The following MGAT4B variants were observed in gnomAD, a reference collection of about 807,000 sequenced individuals.
MGAT4B encodes the protein N-acetylglucosaminyltransferase IVb.
In MGAT4B, 38 loss-of-function variants were observed where a neutral mutation model predicts 73.9. That is an observed-to-expected ratio of 0.51 (90% CI 0.40 to 0.67). The LOEUF is 0.67. Among genes scored for constraint, MGAT4B ranks in the 30% least tolerant of loss-of-function variants. MGAT4B has a pLI of 0.00. For missense variants in MGAT4B, 686 were observed against 735.2 expected (o/e 0.93, Z 0.77); for synonymous variants, 373 against 313.5 (o/e 1.19, Z -2.01).
At position 179,806,564 on chromosome 5, in the gene MGAT4B, G is replaced by T; in HGVS notation, c.20C>A (p.Thr7Asn). 2 of 1,302,044 alleles carry T rather than the reference G, an allele frequency of 1.5e-6. No individual in the cohort carries two copies. Among genetic ancestry groups the T allele is most frequent in the Non-Finnish European group, 2.0e-6 (2 of 998,092 alleles). The allele number at this position is 1,302,044 out of a possible 1,614,324, so 80.7% of individuals were successfully genotyped here. The change falls in exon 1 of 15, where the codon ACC (threonine) becomes AAC (asparagine). Residue 7 changes from threonine (T) to asparagine (N), a missense_variant. Around this residue, in one of 2 missense-constraint regions of MGAT4B, gnomAD observed 237 missense variants for 198.5 expected, o/e 1.19. Transcript: ENST00000292591. This position sits in a 1 kb window ranked among gnomAD's most constrained non-coding sequence, Gnocchi z 4.6. Reference sequence around the variant, plus strand: ...GCAGAAGAGCAGCAGCGTCAGGAAGGTGCCATTGCGGAGCCTCATCTCCTC... The same window carrying T: ...GCAGAAGAGCAGCAGCGTCAGGAAGTTGCCATTGCGGAGCCTCATCTCCTC... MRLRNG[T>N]FLTLLLFCLC...
In MGAT4B at chr5:179,800,667, T is replaced by C. The variant is rs1048569127; in HGVS notation, c.606-70A>G. The C allele has an allele frequency of 3.9e-5, 48 of 1,226,848 alleles. No homozygotes were observed. In the South Asian group the frequency reaches 6.0e-4, roughly 15 times the overall value. 76.0% of individuals were successfully genotyped at this position (1,226,848 alleles called of 1,614,324 possible). On this transcript the variant is annotated intron_variant, in intron 5 of 14. Coordinates refer to ENST00000292591, the MANE Select transcript of MGAT4B (RefSeq NM_014275.5). ...GAGAGGGGCCGAGCCCACCAGACTG[T>C]GGCCCTTTCTTGAGGCTCACCCAGT...
At position 179,798,074 on chromosome 5, in the gene MGAT4B, A is replaced by T. The variant is rs1756727478; in HGVS notation, c.1624-6T>A. ...TCGGCCTTTTTCAGGAAGATCTGGA[A>T]GAGCCGGACCCAGGGTCAGCAGGGC... On this transcript the variant is annotated splice_polypyrimidine_tract_variant and splice_region_variant and intron_variant, in intron 14 of 14. Coordinates refer to ENST00000292591, the MANE Select transcript of MGAT4B (RefSeq NM_014275.5). 2 of 1,609,138 alleles carry T rather than the reference A, an allele frequency of 1.2e-6. No individual in the cohort carries two copies. Among genetic ancestry groups the T allele is most frequent in the African/African-American group, 1.3e-5 (1 of 74,866 alleles).
In MGAT4B at chr5:179,797,818, C is replaced by G; in HGVS notation, c.*227G>C. 1 of 560,048 alleles carries G rather than the reference C, an allele frequency of 1.8e-6. No individual in the cohort carries two copies. Among genetic ancestry groups the G allele is most frequent in the Admixed American group, 3.6e-5 (1 of 27,916 alleles). The allele number at this position is 560,048 out of a possible 1,614,324, so 34.7% of individuals were successfully genotyped here. A position where few individuals can be genotyped will look rare whatever the true frequency, so the allele number is the denominator to read the frequency against. On this transcript the variant is annotated 3_prime_UTR_variant, in exon 15 of 15. Coordinates refer to ENST00000292591, the MANE Select transcript of MGAT4B (RefSeq NM_014275.5). ...GCCGGGTGCGAACGGTTCCGGGCCT[C>G]AGGCACAGTGTGGGGGCCGCCTGCC...
intron 1 of MGAT4B, among the ~76,000 whole-genome samples, chr5:179,805,614 C>A (rs959818001): frequency 3.9e-5 from 6 of 152,244 alleles, no homozygotes; most frequent in African/African-American, 1.4e-4. Flanking sequence ...CCCTCGCCCT[C>A]CTCCGCAGCC....
In MGAT4B at chr5:179,806,270, T is replaced by C. The variant is rs1757149040; in HGVS notation, c.97+217A>G. 1.2e-5 allele frequency: 2 copies of C among 169,668 alleles called. No individual in the cohort carries two copies. The highest frequency in any genetic ancestry group is 2.4e-5 in the Non-Finnish European group (2 of 83,898). 10.5% of individuals were successfully genotyped at this position (169,668 alleles called of 1,614,324 possible). A position where few individuals can be genotyped will look rare whatever the true frequency, so the allele number is the denominator to read the frequency against. The stretch of plus-strand genomic sequence containing the variant: ...GGACAGCTGCGCCCGCGGAGTCCGG[T>C]CCGGAGCACCCACGGGCGCGGCCCG... On this transcript the variant is annotated intron_variant, in intron 1 of 14. Transcript: ENST00000292591. This position sits in a 1 kb window ranked among gnomAD's most constrained non-coding sequence, Gnocchi z 4.6.
chr5:179,802,612 G>A (rs1756992836), intron 1 of MGAT4B: 3 of 989,570 alleles, frequency 3.0e-6, no homozygotes, highest in Non-Finnish European at 3.6e-6. Flanking sequence ...CTGTGTCTCT[G>A]GAGACCTGTG....
Position 179,801,524 on chromosome 5 carries a change from C to A in MGAT4B, c.424+30G>T. 6.2e-7 allele frequency: 1 copy of A among 1,603,760 alleles called. No individual in the cohort carries two copies. The highest frequency in any genetic ancestry group is 8.5e-7 in the Non-Finnish European group (1 of 1,173,756). ...GGTGCGGGGGCCACCCGTCCCCCCA[C>A]CCCGTGCTCCTCCCTGTCTGCGCCC... On this transcript the variant is annotated intron_variant, in intron 3 of 14. Transcript: ENST00000292591. This position sits in a 1 kb window ranked among gnomAD's most constrained non-coding sequence, Gnocchi z 4.8.
Position 179,799,125 on chromosome 5 carries a change from C to T in MGAT4B, c.1150-4G>A, listed in dbSNP as rs756160967. 3.1e-6 allele frequency: 5 copies of T among 1,613,990 alleles called. No homozygotes were observed. In the South Asian group the frequency reaches 4.4e-5, roughly 14 times the overall value. On this transcript the variant is annotated splice_region_variant and splice_polypyrimidine_tract_variant and intron_variant, in intron 10 of 14. Coordinates refer to ENST00000292591, the MANE Select transcript of MGAT4B (RefSeq NM_014275.5). ...CCTGCTTTCCAAAGTCTTTGTCCTG[C>T]AGCGGAGGAGGGACAGCAGTGATGG... is the stretch of plus-strand genomic sequence containing the variant.
chr5:179,799,768 G>A lies in MGAT4B; in HGVS notation c.911-132C>T, dbSNP rs1756825182. ...GTGGGCATAACGGGGCAGGGAGGCA[G>A]ACAGGTGATGAGGGCAGACATGTCT... On this transcript the variant is annotated intron_variant, in intron 8 of 14. Coordinates refer to ENST00000292591, the MANE Select transcript of MGAT4B (RefSeq NM_014275.5). The A allele has an allele frequency of 3.7e-5, 52 of 1,394,778 alleles. No homozygotes were observed. In the South Asian group the frequency reaches 6.1e-4, roughly 16 times the overall value. 86.4% of individuals were successfully genotyped at this position (1,394,778 alleles called of 1,614,324 possible). A position where few individuals can be genotyped will look rare whatever the true frequency, so the allele number is the denominator to read the frequency against.
intron 11 of MGAT4B, 34 bp from the exon 12 acceptor site, chr5:179,798,625 G>A: frequency 6.2e-7 from 1 of 1,607,228 alleles, no homozygotes; most frequent in Non-Finnish European, 8.5e-7. Context: ...CTGCTGCAGG[G>A]GCAGCGTTCC....
chr5:179,800,392 A>G, intron 6 of MGAT4B, 92 bp downstream of exon 6: 1 of 1,414,288 alleles, frequency 7.1e-7, no homozygotes, highest in Non-Finnish European at 9.9e-7. Flanking sequence ...AATTCAGGGC[A>G]CTGCAGGGAA....
At position 179,799,393 on chromosome 5, in the gene MGAT4B, C is replaced by T. The variant is rs915806862; in HGVS notation, c.1042-83G>A. ...CTCTCCTGGGGACTACCAGGGCCCT[C>T]CCACAGCTGACAGTGCTCTATGTGA... On this transcript the variant is annotated intron_variant, in intron 9 of 14. Transcript: ENST00000292591. 98 of 1,604,210 alleles carry T rather than the reference C, an allele frequency of 6.1e-5. No homozygotes were observed. The Admixed American group carries it at 1.6e-3, about 27-fold the overall frequency.
At chr5:179,799,741 G>A (rs1425891367) in intron 8 of MGAT4B, 105 bp from the exon 9 acceptor site, 3 of 1,547,688 alleles carry the variant, frequency 1.9e-6, no homozygotes, top group Middle Eastern at 1.7e-4. Context: ...CTTCAGGCAG[G>A]TGTGGGCATA....
In MGAT4B at chr5:179,801,635, C is replaced by T. The variant is rs773692169; in HGVS notation, c.343G>A (p.Val115Ile). The change falls in exon 3 of 15, where the codon GTC becomes ATC. Residue 115 changes from valine to isoleucine, a missense_variant. Coordinates refer to ENST00000292591, the MANE Select transcript of MGAT4B (RefSeq NM_014275.5). The surrounding 1 kb of genome is among the most constrained non-coding windows in gnomAD (Gnocchi z 4.8). ...SHRHVLHLPT[V>I]FHHLPHLLAK... ...AGCAGGTGTGGCAGGTGATGGAAGACGGTGGGCAGGTGCAGCACGTGCCGG... is the reference window on the plus strand; with the variant it reads ...AGCAGGTGTGGCAGGTGATGGAAGATGGTGGGCAGGTGCAGCACGTGCCGG... 9.3e-5 allele frequency: 150 copies of T among 1,605,946 alleles called. No homozygotes were observed. The highest frequency in any genetic ancestry group is 1.1e-4 in the Non-Finnish European group (135 of 1,177,892).
At position 179,806,420 on chromosome 5, in the gene MGAT4B, G is replaced by T; in HGVS notation, c.97+67C>A. 9.7e-7 allele frequency: 1 copy of T among 1,031,646 alleles called. No individual in the cohort carries two copies. The allele number at this position is 1,031,646 out of a possible 1,614,324, so 63.9% of individuals were successfully genotyped here. A position where few individuals can be genotyped will look rare whatever the true frequency, so the allele number is the denominator to read the frequency against. Reference sequence around the variant, plus strand: ...CTTCCGGCCGCCTTCCGCGGCCACCGCCGGGCCCGCTCCCGCCGCCGACGC... The same window carrying T: ...CTTCCGGCCGCCTTCCGCGGCCACCTCCGGGCCCGCTCCCGCCGCCGACGC... On this transcript the variant is annotated intron_variant, in intron 1 of 14. Transcript: ENST00000292591. This position sits in a 1 kb window ranked among gnomAD's most constrained non-coding sequence, Gnocchi z 4.6.
rs1211625268 is a variant in MGAT4B at position 179,798,377 on chromosome 5, G to T, written c.1480C>A (p.Pro494Thr). The T allele has an allele frequency of 6.2e-7, 1 of 1,612,944 alleles. No individual in the cohort carries two copies. Among genetic ancestry groups the T allele is most frequent in the East Asian group, 2.2e-5 (1 of 44,876 alleles). Reference protein sequence around the residue: ...QEGRTATLRYPRSPDGYLQIG... With the variant: ...QEGRTATLRYTRSPDGYLQIG... ...TGGAGGTAGCCGTCGGGGCTCCGAG[G>T]GTACCGGAGGGTGGCGGTGCGGCCC... Residue 494 changes from proline (P) to threonine (T), a missense_variant, in exon 13 of 15, where the codon CCT becomes ACT. Coordinates refer to ENST00000292591, the MANE Select transcript of MGAT4B (RefSeq NM_014275.5).
At chr5:179,805,904 AGCTCGGGGT>A (rs1330530541) in intron 1 of MGAT4B, among the ~76,000 whole-genome samples, 1 of 152,034 alleles carries the variant, frequency 6.6e-6, no homozygotes, top group Non-Finnish European at 1.5e-5. Flanking sequence ...CAGCCCGGGA[AGCTCGGGGT>A]GCGGAGGACG....
At position 179,799,626 on chromosome 5, in the gene MGAT4B, G is replaced by C; in HGVS notation, c.921C>G (p.Phe307Leu). The C allele has an allele frequency of 6.2e-7, 1 of 1,613,688 alleles. No individual in the cohort carries two copies. The highest frequency in any genetic ancestry group is 8.5e-7 in the Non-Finnish European group (1 of 1,180,024). Residue 307 changes from phenylalanine (F) to leucine (L), a missense_variant, in exon 9 of 15, where the codon TTC becomes TTG. Physicochemically the swap from Phe to Leu is conservative, Grantham distance 22. Around this residue, in one of 2 missense-constraint regions of MGAT4B, gnomAD observed 449 missense variants for 536.8 expected, o/e 0.84. Transcript: ENST00000292591. Reference protein sequence around the residue: ...FSQLGFIGKMFKSLDLSLIVE... With the variant: ...FSQLGFIGKMLKSLDLSLIVE... Reference sequence around the variant, plus strand: ...CAATCAGGCTCAGGTCCAGCGACTTGAACATCTTACCTGGTGGGGAGGGGC... The same window carrying C: ...CAATCAGGCTCAGGTCCAGCGACTTCAACATCTTACCTGGTGGGGAGGGGC...
chr5:179,798,089 G>T (rs753934806), intron 14 of MGAT4B, 21 bp from the exon 15 acceptor site: 302 of 1,607,948 alleles, frequency 1.9e-4, no homozygotes, highest in Non-Finnish European at 2.4e-4. Context: ...CGGACCCAGG[G>T]TCAGCAGGGC....
Sources: gnomAD v4.1 joint callset for allele counts (sites outside exome capture counted in the v4.1 genomes callset) on GRCh38, gnomAD v4.1.1 for gene constraint, gnomAD v4.1.1 regional missense constraint, Gnocchi (gnomAD v3.1) non-coding constraint, MANE v1.5 for transcripts, NCBI Gene and HGNC (gene_info 2026-07-23, HGNC 2026-07-21) for gene names.